The following DPP6 variants were observed in gnomAD, a reference collection of about 807,000 sequenced individuals.
The protein encoded by DPP6 is A-type potassium channel modulatory protein DPP6.
Under a neutral mutation model 122.6 loss-of-function variants are expected in DPP6, and 69 were observed. The observed-to-expected ratio is 0.56, with a 90% CI of 0.46 to 0.69. The LOEUF (loss-of-function observed/expected upper bound fraction) is 0.69. Ranked by LOEUF, DPP6 falls within the 30% of genes least tolerant of loss-of-function variation. The pLI, the probability that DPP6 is intolerant of heterozygous loss-of-function variation, is 0.00. For missense variants in DPP6, 928 were observed against 1,116.9 expected, an observed-to-expected ratio of 0.83 and a Z score of 2.41; for synonymous variants, 418 against 433.1, an observed-to-expected ratio of 0.97 and a Z score of 0.43.
chr7:154,883,078 C>T (rs978466668), intron 21 of DPP6, among the ~76,000 whole-genome samples: 3 of 151,372 alleles, frequency 2.0e-5, no homozygotes, highest in African/African-American at 7.3e-5. Context: ...CATGCTCACC[C>T]ATACACCTGC....
intron 17 of DPP6, among the ~76,000 whole-genome samples, chr7:154,857,886 T>G (rs1423019418): frequency 1.3e-5 from 2 of 152,122 alleles, no homozygotes; most frequent in African/African-American, 4.8e-5. Flanking sequence ...CTTTCACGAT[T>G]GAAAAGGCCG....
At chr7:154,806,431 A>G (rs1798702132) in intron 15 of DPP6, among the ~76,000 whole-genome samples, 1 of 152,108 alleles carries the variant, frequency 6.6e-6, no homozygotes, top group Admixed American at 6.5e-5. Context: ...GCCAGTTCCC[A>G]CTTGTGTAGC....
chr7:154,082,067 C>T (rs1804053531), intron 1 of DPP6, among the ~76,000 whole-genome samples: 1 of 152,136 alleles, frequency 6.6e-6, no homozygotes, highest in South Asian at 2.1e-4. Context: ...CTCTTAGAAC[C>T]TTACTCTGCA....
chr7:154,160,145 A>T (rs1796904928), intron 1 of DPP6, among the ~76,000 whole-genome samples: 1 of 151,534 alleles, frequency 6.6e-6, no homozygotes, highest in Non-Finnish European at 1.5e-5. Flanking sequence ...AATACATCAG[A>T]CATAGAGCGG....
chr7:154,791,845 G>A (rs1376237276), intron 10 of DPP6, among the ~76,000 whole-genome samples: 1 of 152,222 alleles, frequency 6.6e-6, no homozygotes, highest in Admixed American at 6.5e-5. Context: ...ACTCAGCCTA[G>A]TGACATTTCC....
intron 4 of DPP6, among the ~76,000 whole-genome samples, chr7:154,544,312 C>T (rs1828988049): frequency 6.6e-6 from 1 of 152,024 alleles, no homozygotes; most frequent in Non-Finnish European, 1.5e-5. Context: ...TACATTTCTA[C>T]AGAAAATGAA....
the DPP6 span, among the ~76,000 whole-genome samples, chr7:153,862,395 T>A: frequency 6.6e-6 from 1 of 152,188 alleles, no homozygotes; most frequent in African/African-American, 2.4e-5. Flanking sequence ...CTCTGACATC[T>A]CAGCTCCATA....
chr7:154,779,694 G>T (rs1587118577), intron 10 of DPP6, among the ~76,000 whole-genome samples: 2 of 152,228 alleles, frequency 1.3e-5, no homozygotes, highest in South Asian at 4.1e-4. Context: ...CCTCCCTCAG[G>T]CTGTGGTCCA....
chr7:154,631,795 TA>T (rs1835426178), intron 5 of DPP6, among the ~76,000 whole-genome samples: 1 of 152,084 alleles, frequency 6.6e-6, no homozygotes, highest in Non-Finnish European at 1.5e-5. Context: ...GAAGAAGTAA[TA>T]GGGGAGAATG....
intron 1 of DPP6, among the ~76,000 whole-genome samples, chr7:154,153,027 C>CT (rs1371857464): frequency 6.6e-6 from 1 of 152,214 alleles, no homozygotes; most frequent in African/African-American, 2.4e-5. Flanking sequence ...AGTGGCCTGC[C>CT]TAAAAATTAA....
intron 3 of DPP6, among the ~76,000 whole-genome samples, chr7:154,527,493 A>AT (rs1163668545): frequency 2.4e-4 from 36 of 152,240 alleles, no homozygotes; most frequent in African/African-American, 8.4e-4. Context: ...GTTGTATGCT[A>AT]TTTGTTATCA....
intron 1 of DPP6, among the ~76,000 whole-genome samples, chr7:153,898,264 G>T (rs117394520): frequency 0.027 from 4,166 of 152,170 alleles, 76 homozygotes; most frequent in East Asian, 0.077. Flanking sequence ...ACCAGCCTGG[G>T]CCACACAACA....
At chr7:154,655,570 C>T (rs559302996) in intron 6 of DPP6, among the ~76,000 whole-genome samples, 1 of 152,190 alleles carries the variant, frequency 6.6e-6, no homozygotes, top group East Asian at 1.9e-4. Context: ...AATCACTGTA[C>T]ACCTTCCTGC....
intron 5 of DPP6, among the ~76,000 whole-genome samples, chr7:154,570,509 T>C (rs1297682234): frequency 2.0e-5 from 3 of 152,086 alleles, no homozygotes; most frequent in Non-Finnish European, 2.9e-5. Flanking sequence ...GTGGTGTGTG[T>C]ATATTCTCTC....
In DPP6 at chr7:154,670,243, G is replaced by A. The variant is rs1337640473; in HGVS notation, c.762+802G>A. On this transcript the variant is annotated intron_variant, in intron 7 of 25. Transcript: ENST00000377770. ...CCGTCAACATGCAAAACCCCCCGTG[G>A]TCATTGCAGCCTTCTCGGTTTCTAT... 3.9e-5 allele frequency among the ~76,000 whole-genome samples: 6 copies of A among 152,274 alleles called. No individual in the cohort carries two copies. The East Asian group carries it at 9.7e-4, about 25-fold the overall frequency.
chr7:154,289,511 A>G (rs192650289), intron 1 of DPP6, among the ~76,000 whole-genome samples: 5 of 152,330 alleles, frequency 3.3e-5, no homozygotes, highest in Admixed American at 3.3e-4. Flanking sequence ...GGAGATATTT[A>G]GGGAGCACAT....
intron 1 of DPP6, among the ~76,000 whole-genome samples, chr7:154,198,319 A>ATTAT (rs1585609493): frequency 1.4e-4 from 18 of 126,580 alleles, no homozygotes; most frequent in Non-Finnish European, 2.6e-4. Flanking sequence ...TTTTATTATT[A>ATTAT]TTTTTTTTTT....
chr7:154,619,038 C>A (rs1834457488), intron 5 of DPP6, among the ~76,000 whole-genome samples: 2 of 152,148 alleles, frequency 1.3e-5, no homozygotes, highest in Non-Finnish European at 1.5e-5. Context: ...AGTTCCCCTC[C>A]ACACATTCTC....
chr7:154,008,505 CATT>C (rs1798007523), intron 1 of DPP6, among the ~76,000 whole-genome samples: 2 of 152,112 alleles, frequency 1.3e-5, no homozygotes. Flanking sequence ...AATCTTTTCT[CATT>C]ACCACATAGA....
Sources: gnomAD v4.1 joint callset for allele counts (sites outside exome capture counted in the v4.1 genomes callset) on GRCh38, gnomAD v4.1.1 for gene constraint, MANE v1.5 for transcripts, NCBI Gene and HGNC (gene_info 2026-07-23, HGNC 2026-07-21) for gene names.